The following CARS2 variants were observed in gnomAD, a reference collection of about 807,000 sequenced individuals.
CARS2 encodes the protein cysteinyl-tRNA synthetase 2, mitochondrial.
CARS2 carries 52 observed loss-of-function variants against 68.8 expected under a neutral mutation model. The ratio of observed to expected loss-of-function variants is 0.76; its 90% confidence interval spans 0.61 to 0.95. CARS2 has a LOEUF of 0.95. Ranked by LOEUF, CARS2 falls within the 40% of genes least tolerant of loss-of-function variation. The pLI is 0.00. For synonymous variants in CARS2, 314 were observed against 303.6 expected, an observed-to-expected ratio of 1.03 and a Z score of -0.36; for missense variants, 780 against 754.2, an observed-to-expected ratio of 1.03 and a Z score of -0.40.
Position 110,665,731 on chromosome 13 carries a change from A to G in CARS2, c.919+1609T>C. ...TCAGGGAGCGCTGAACTGAGCCCTG[A>G]ACGAAGTCAACGAGGAAGTGACTTC... On this transcript the variant is annotated intron_variant, in intron 8 of 14. Coordinates refer to ENST00000257347, the MANE Select transcript of CARS2 (RefSeq NM_024537.4). The surrounding 1 kb of genome is among the most constrained non-coding windows in gnomAD (Gnocchi z 4.3). 1 of 985,400 alleles carries G rather than the reference A, an allele frequency of 1.0e-6. No homozygotes were observed. The highest frequency in any genetic ancestry group is 1.2e-6 in the Non-Finnish European group (1 of 829,910). The allele number at this position is 985,400 out of a possible 1,614,324, so 61.0% of individuals were successfully genotyped here.
At chr13:110,713,159 C>G in exon 1 of CARS2, 1 of 1,429,266 alleles carries the variant, frequency 7.0e-7, no homozygotes, top group Non-Finnish European at 9.1e-7. Flanking sequence ...TCCTCTTCAT[C>G]GTGATTGGGC....
At chr13:110,713,098 T>A in intron 1 of CARS2, 1 of 1,438,112 alleles carries the variant, frequency 7.0e-7, no homozygotes, top group Non-Finnish European at 9.1e-7. Flanking sequence ...CCGGAGGACT[T>A]GGGTTTCTAG....
At chr13:110,712,535 GGGGGCCGGCGCGC>G (rs2139960072) in intron 1 of CARS2, 1 of 315,046 alleles carries the variant, frequency 3.2e-6, no homozygotes, top group Non-Finnish European at 6.2e-6. Context: ...CCGGAAGGGG[GGGGGCCGGCGCGC>G]GGGGCCGGTC....
chr13:110,668,431 G>A lies in CARS2; in HGVS notation c.786-958C>T, dbSNP rs920165726. 2.0e-5 allele frequency among the ~76,000 whole-genome samples: 3 copies of A among 152,034 alleles called. No homozygotes were observed. The highest frequency in any genetic ancestry group is 4.4e-5 in the Non-Finnish European group (3 of 68,012). On this transcript the variant is annotated intron_variant, in intron 7 of 14. Transcript: ENST00000257347. The surrounding 1 kb of genome is among the most constrained non-coding windows in gnomAD (Gnocchi z 4.1). ...GTGGCGGGTGCCTGTAGTCCCAGCT[G>A]CTTGGGAGGCTGAGGCAAGAGAATG...
rs2062616925 is a variant in CARS2, at chr13:110,665,250, A to G, written c.920-1732T>C. On this transcript the variant is annotated intron_variant, in intron 8 of 14. Coordinates refer to ENST00000257347, the MANE Select transcript of CARS2 (RefSeq NM_024537.4). The surrounding 1 kb of genome is among the most constrained non-coding windows in gnomAD (Gnocchi z 4.3). The stretch of plus-strand genomic sequence containing the variant: ...CACTTGAGGTCAGGGGTTTGAGCCC[A>G]GCCTGGCCAACATGGTGAAACCCTG... 1 of 800,444 alleles carries G rather than the reference A, an allele frequency of 1.2e-6. No individual in the cohort carries two copies. The highest frequency in any genetic ancestry group is 1.5e-6 in the Non-Finnish European group (1 of 661,378). The allele number at this position is 800,444 out of a possible 1,614,324, so 49.6% of individuals were successfully genotyped here. A position where few individuals can be genotyped will look rare whatever the true frequency, so the allele number is the denominator to read the frequency against.
intron 8 of CARS2, 52 bp from the exon 9 acceptor site, chr13:110,663,570 G>C (rs1476085187): frequency 6.2e-7 from 1 of 1,601,506 alleles, no homozygotes; most frequent in Non-Finnish European, 8.5e-7. Context: ...AGACTCTCTG[G>C]CCTCAGGGAC....
At chr13:110,698,412 C>T (rs894259753) in intron 3 of CARS2, among the ~76,000 whole-genome samples, 4 of 151,400 alleles carry the variant, frequency 2.6e-5, no homozygotes, top group African/African-American at 9.7e-5. Flanking sequence ...CCCAGCTACT[C>T]GGGAGGCTGA....
At chr13:110,696,478 T>G (rs1250368229) in intron 3 of CARS2, among the ~76,000 whole-genome samples, 1 of 152,256 alleles carries the variant, frequency 6.6e-6, no homozygotes, top group Non-Finnish European at 1.5e-5. Flanking sequence ...TGGCATGAGA[T>G]GTTATCTCAC....
chr13:110,686,930 A>G (rs1008302831), intron 5 of CARS2, among the ~76,000 whole-genome samples: 7 of 152,040 alleles, frequency 4.6e-5, no homozygotes, highest in African/African-American at 1.7e-4. Flanking sequence ...GCTGGAGTGC[A>G]ATGGTGTGAT....
At chr13:110,683,746 G>A (rs948617507) in intron 5 of CARS2, among the ~76,000 whole-genome samples, 1 of 152,208 alleles carries the variant, frequency 6.6e-6, no homozygotes, top group Admixed American at 6.5e-5. Context: ...GCTGGGTGCA[G>A]TGGCTCACGC....
At chr13:110,644,133 C>G (rs988361946) in intron 13 of CARS2, 2 of 1,398,928 alleles carry the variant, frequency 1.4e-6, no homozygotes, top group South Asian at 1.2e-5. Flanking sequence ...TGGCGACATT[C>G]TGTTGCTGAG....
At chr13:110,658,015 T>C (rs2062413618) in intron 9 of CARS2, among the ~76,000 whole-genome samples, 1 of 152,114 alleles carries the variant, frequency 6.6e-6, no homozygotes. Context: ...CTACAGGAGA[T>C]AGAAGAACAA....
chr13:110,679,341 C>T (rs1280842462), intron 6 of CARS2, among the ~76,000 whole-genome samples: 2 of 151,652 alleles, frequency 1.3e-5, no homozygotes, highest in African/African-American at 2.4e-5. Flanking sequence ...ACCAGCCTGA[C>T]CAATATGACG....
exon 1 of CARS2, chr13:110,713,265 C>G: frequency 1.5e-6 from 2 of 1,327,502 alleles, no homozygotes; most frequent in Non-Finnish European, 9.6e-7. Context: ...GACGAAGAGT[C>G]AGGGGCTGAG....
chr13:110,688,035 T>G lies in CARS2; in HGVS notation c.394-17A>C, dbSNP rs369266402. On this transcript the variant is annotated splice_polypyrimidine_tract_variant and intron_variant, in intron 3 of 14. Transcript: ENST00000257347. ...AATATTCATCTGCAGAAGGATTAGA[T>G]GTGCACGTTAATGAGTCTGGGGCAT... 5 of 1,582,740 alleles carry G rather than the reference T, an allele frequency of 3.2e-6. No homozygotes were observed. The highest frequency in any genetic ancestry group is 1.3e-5 in the African/African-American group (1 of 74,442).
At chr13:110,684,431 C>T (rs2063238745) in intron 5 of CARS2, among the ~76,000 whole-genome samples, 3 of 151,886 alleles carry the variant, frequency 2.0e-5, no homozygotes, top group Admixed American at 2.0e-4. Context: ...GGATGTCCCC[C>T]TCCTGTCCTC....
chr13:110,693,650 T>C (rs977818058), intron 3 of CARS2, among the ~76,000 whole-genome samples: 6 of 152,098 alleles, frequency 3.9e-5, no homozygotes, highest in African/African-American at 9.7e-5. Flanking sequence ...TGAGCCACCG[T>C]GTCCGGCTGG....
At position 110,712,354 on chromosome 13, in the gene CARS2, G is replaced by GAAAAGCA. The variant is rs1289611305; in HGVS notation, n.399+776_399+782dup. ...GGGTCCAAGGCGGAAGAAAATCAGA[G>GAAAAGCA]AAAAGCAGGCAGCCAAGCGTGGCGA... On this transcript the variant is annotated intron_variant and non_coding_transcript_variant, in intron 1 of 2. Transcript: ENST00000485188. 156 of 164,998 alleles carry GAAAAGCA rather than the reference G, an allele frequency of 9.5e-4. 1 individual carries two copies. In the Middle Eastern group the frequency reaches 0.021, roughly 22 times the overall value. 10.2% of individuals were successfully genotyped at this position (164,998 alleles called of 1,614,324 possible). A position where few individuals can be genotyped will look rare whatever the true frequency, so the allele number is the denominator to read the frequency against.
At chr13:110,649,903 C>A (rs1303970734) in intron 10 of CARS2, among the ~76,000 whole-genome samples, 5 of 149,838 alleles carry the variant, frequency 3.3e-5, no homozygotes, top group African/African-American at 1.2e-4. Flanking sequence ...CCCTCACTTG[C>A]CACCAGGGAT....
Sources: gnomAD v4.1 joint callset for allele counts (sites outside exome capture counted in the v4.1 genomes callset) on GRCh38, gnomAD v4.1.1 for gene constraint, Gnocchi (gnomAD v3.1) non-coding constraint, MANE v1.5 for transcripts, NCBI Gene and HGNC (gene_info 2026-07-23, HGNC 2026-07-21) for gene names.